The following IQCH variants were observed in gnomAD, a reference collection of about 807,000 sequenced individuals.
The protein encoded by IQCH is IQ domain-containing protein H.
Under a neutral mutation model 117.0 loss-of-function variants are expected in IQCH, and 98 were observed. That is an observed-to-expected ratio of 0.84 (90% CI 0.71 to 0.99). The LOEUF is 0.99. Ranked by LOEUF, IQCH falls within the 50% of genes least tolerant of loss-of-function variation. The pLI, the probability that IQCH is intolerant of heterozygous loss-of-function variation, is 0.00. For synonymous variants in IQCH, 412 were observed against 448.2 expected, an observed-to-expected ratio of 0.92 and a Z score of 1.02; for missense variants, 1,102 against 1,243.8, an observed-to-expected ratio of 0.89 and a Z score of 1.72.
At chr15:67,288,373 GTCTA>G (rs1966638832) in intron 4 of IQCH, among the ~76,000 whole-genome samples, 1 of 151,936 alleles carries the variant, frequency 6.6e-6, no homozygotes, top group Non-Finnish European at 1.5e-5. Context: ...CTGTATTTGG[GTCTA>G]TCTTTCTCTT....
At chr15:67,498,070 A>C (rs1381060020) in intron 20 of IQCH, among the ~76,000 whole-genome samples, 2 of 152,192 alleles carry the variant, frequency 1.3e-5, no homozygotes, top group Non-Finnish European at 2.9e-5. Context: ...AAAAAGAACG[A>C]AGTTGGAGAA....
chr15:67,478,645 G>T (rs1243867285), intron 18 of IQCH, among the ~76,000 whole-genome samples: 4 of 152,112 alleles, frequency 2.6e-5, no homozygotes, highest in African/African-American at 4.8e-5. Context: ...GAACAGATAG[G>T]CTGGGCACGG....
rs1169020448 is a variant in IQCH, at chr15:67,417,634, T to C, written c.2218+583T>C. 6.6e-6 allele frequency among the ~76,000 whole-genome samples: 1 copy of C among 152,142 alleles called. No homozygotes were observed. The highest frequency in any genetic ancestry group is 1.5e-5 in the Non-Finnish European group (1 of 68,018). Reference sequence around the variant, plus strand: ...TTCCTTTCATCCTCCTCCTCCTACTTCATCCTCATTTCCTAACAACATTGG... The same window carrying C: ...TTCCTTTCATCCTCCTCCTCCTACTCCATCCTCATTTCCTAACAACATTGG... On this transcript the variant is annotated intron_variant, in intron 15 of 20. Coordinates refer to ENST00000335894, the MANE Select transcript of IQCH (RefSeq NM_001031715.3). This position sits in a 1 kb window ranked among gnomAD's most constrained non-coding sequence, Gnocchi z 4.3.
chr15:67,489,264 A>C (rs2083577132), intron 18 of IQCH, among the ~76,000 whole-genome samples: 1 of 151,596 alleles, frequency 6.6e-6, no homozygotes, highest in African/African-American at 2.4e-5. Flanking sequence ...CGATCTCCTG[A>C]CCTCGTGATC....
intron 3 of IQCH, among the ~76,000 whole-genome samples, chr15:67,275,829 G>A (rs1306754600): frequency 2.0e-5 from 3 of 152,160 alleles, no homozygotes; most frequent in Non-Finnish European, 2.9e-5. Context: ...GCAGTGAGCC[G>A]TGATTGTGCC....
At chr15:67,282,614 G>A (rs1198660243) in intron 4 of IQCH, among the ~76,000 whole-genome samples, 1 of 152,124 alleles carries the variant, frequency 6.6e-6, no homozygotes, top group African/African-American at 2.4e-5. Context: ...ATTTTGCACT[G>A]TAAAGTCAAA....
chr15:67,308,679 A>AGGT lies in IQCH; in HGVS notation c.388-28278_388-28276dup, dbSNP rs911710435. Among the ~76,000 whole-genome samples the AGGT allele has an allele frequency of 9.9e-5, 15 of 151,862 alleles. No individual in the cohort carries two copies. The East Asian group carries it at 1.4e-3, about 14-fold the overall frequency. The stretch of plus-strand genomic sequence containing the variant: ...ATATATTCCACTAATATGGCAGTGA[A>AGGT]GGTGGTGGTGGTGGTGGTGGAGGTG... On this transcript the variant is annotated intron_variant, in intron 4 of 20. Coordinates refer to ENST00000335894, the MANE Select transcript of IQCH (RefSeq NM_001031715.3).
chr15:67,315,515 T>C (rs1967804519), intron 4 of IQCH, among the ~76,000 whole-genome samples: 3 of 152,144 alleles, frequency 2.0e-5, no homozygotes, highest in African/African-American at 7.2e-5. Context: ...TTAATCCCCG[T>C]GGAATGAGTG....
intron 14 of IQCH, among the ~76,000 whole-genome samples, chr15:67,402,213 A>G (rs1276272882): frequency 6.6e-6 from 1 of 152,246 alleles, no homozygotes. Flanking sequence ...TGAATAATTA[A>G]TAATCTAACT....
chr15:67,359,847 G>A lies in IQCH; in HGVS notation c.715G>A (p.Gly239Arg), dbSNP rs762972818. 4 of 1,612,140 alleles carry A rather than the reference G, an allele frequency of 2.5e-6. No homozygotes were observed. In the Admixed American group the frequency reaches 6.7e-5, roughly 27 times the overall value. The change falls in exon 8 of 21, where the codon GGG becomes AGG. Residue 239 changes from glycine to arginine, a missense_variant and splice_region_variant. This residue lies in a region of IQCH where 452 missense variants were observed against 449.6 expected (regional missense o/e 1.01). Coordinates refer to ENST00000335894, the MANE Select transcript of IQCH (RefSeq NM_001031715.3). This position sits in a 1 kb window ranked among gnomAD's most constrained non-coding sequence, Gnocchi z 4.5. The stretch of plus-strand genomic sequence containing the variant: ...AACTGTGTCTCATTCTTCATTGTAG[G>A]GGAAAAGCAGAAGGTCAAGAGGACA... ...KFFPKKQRSK[G>R]KSRRSRGHHD...
rs1167204965 is a variant in IQCH at position 67,406,883 on chromosome 15, A to G, written c.2097+6578A>G. ...AATTGGCTAGCAGTGTGCTTAGCACATAATAAGACTTTAAGAAATGCTACC... is the reference window on the plus strand; with the variant it reads ...AATTGGCTAGCAGTGTGCTTAGCACGTAATAAGACTTTAAGAAATGCTACC... On this transcript the variant is annotated intron_variant, in intron 14 of 20. Transcript: ENST00000335894. The surrounding 1 kb of genome is among the most constrained non-coding windows in gnomAD (Gnocchi z 4.5). 1 of 152,282 alleles carries G rather than the reference A, an allele frequency of 6.6e-6. No homozygotes were observed. Among genetic ancestry groups the G allele is most frequent in the African/African-American group, 2.4e-5 (1 of 41,480 alleles). The allele number at this position is 152,282 out of a possible 1,614,324, so 9.4% of individuals were successfully genotyped here.
chr15:67,297,464 C>A (rs1966859982), intron 4 of IQCH, among the ~76,000 whole-genome samples: 2 of 152,064 alleles, frequency 1.3e-5, no homozygotes, highest in Non-Finnish European at 2.9e-5. Context: ...TAACCATTAT[C>A]ACCTGTAACT....
At chr15:67,421,692 T>C in intron 16 of IQCH, 115 bp downstream of exon 16, 1 of 1,080,824 alleles carries the variant, frequency 9.3e-7, no homozygotes, top group Non-Finnish European at 1.3e-6. Flanking sequence ...GATTCTCTGA[T>C]GAACTTGCTC....
At chr15:67,346,564 C>T (rs1372946950) in intron 6 of IQCH, among the ~76,000 whole-genome samples, 2 of 152,168 alleles carry the variant, frequency 1.3e-5, no homozygotes, top group African/African-American at 2.4e-5. Context: ...TGACAGGAGG[C>T]ATGAACTCAG....
At position 67,431,646 on chromosome 15, in the gene IQCH, A is replaced by AC. The variant is rs1191518441; in HGVS notation, c.2505+10069_2505+10070insC. 2.0e-5 allele frequency among the ~76,000 whole-genome samples: 3 copies of AC among 152,212 alleles called. No homozygotes were observed. Among genetic ancestry groups the AC allele is most frequent in the Non-Finnish European group, 4.4e-5 (3 of 68,040 alleles). ...ACCCCGAACTTAAAAGTTAAAAAAA[A>AC]ACACACATTGTTCTTTATATTTCAC... On this transcript the variant is annotated intron_variant, in intron 16 of 20. Transcript: ENST00000335894. This position sits in a 1 kb window ranked among gnomAD's most constrained non-coding sequence, Gnocchi z 4.8.
At position 67,422,042 on chromosome 15, in the gene IQCH, T is replaced by C. The variant is rs1181381185; in HGVS notation, c.2505+465T>C. Among the ~76,000 whole-genome samples the C allele has an allele frequency of 1.3e-5, 2 of 150,790 alleles. No homozygotes were observed. Among genetic ancestry groups the C allele is most frequent in the African/African-American group, 2.4e-5 (1 of 40,860 alleles). ...TGAACCCGGGAGGCAGAGGTTGCAA[T>C]GAGCCGAGATCATGCTACTACACTC... On this transcript the variant is annotated intron_variant, in intron 16 of 20. Coordinates refer to ENST00000335894, the MANE Select transcript of IQCH (RefSeq NM_001031715.3). This position sits in a 1 kb window ranked among gnomAD's most constrained non-coding sequence, Gnocchi z 4.7.
chr15:67,268,906 CA>C (rs1355829229), intron 3 of IQCH, among the ~76,000 whole-genome samples: 1 of 147,308 alleles, frequency 6.8e-6, no homozygotes, highest in Non-Finnish European at 1.5e-5. Context: ...CTTTTTAAAA[CA>C]AAAAAACAAA....
At chr15:67,455,065 T>C (rs768324893) in intron 16 of IQCH, among the ~76,000 whole-genome samples, 6 of 152,198 alleles carry the variant, frequency 3.9e-5, no homozygotes, top group Non-Finnish European at 7.3e-5. Context: ...TTGCCAACAC[T>C]TGTTATTGGT....
chr15:67,256,966 A>G (rs897564373), intron 1 of IQCH, among the ~76,000 whole-genome samples: 12 of 152,254 alleles, frequency 7.9e-5, no homozygotes, highest in African/African-American at 2.9e-4. Flanking sequence ...GTGAATCCTG[A>G]GAATGTGTGA....
Sources: gnomAD v4.1 joint callset for allele counts (sites outside exome capture counted in the v4.1 genomes callset) on GRCh38, gnomAD v4.1.1 for gene constraint, gnomAD v4.1.1 regional missense constraint, Gnocchi (gnomAD v3.1) non-coding constraint, MANE v1.5 for transcripts, NCBI Gene and HGNC (gene_info 2026-07-23, HGNC 2026-07-21) for gene names.